COL1A2: variants seen among roughly 807,000 people sequenced by gnomAD.
COL1A2 encodes collagen type I alpha 2 chain.
Under a neutral mutation model 174.3 loss-of-function variants are expected in COL1A2, and 49 were observed. That is an observed-to-expected ratio of 0.28 (90% CI 0.22 to 0.36). COL1A2 has a LOEUF of 0.36. Among genes scored for constraint, COL1A2 ranks in the 10% least tolerant of loss-of-function variants. COL1A2 has a pLI of 1.00. For missense variants in COL1A2, 1,438 were observed against 1,822.7 expected (o/e 0.79, Z 3.84); for synonymous variants, 655 against 606.6 (o/e 1.08, Z -1.17).
rs964597288 is a variant in COL1A2, at chr7:94,405,183, A to T, written c.433-16A>T. 4.3e-6 allele frequency: 7 copies of T among 1,613,722 alleles called. No individual in the cohort carries two copies. Among genetic ancestry groups the T allele is most frequent in the Non-Finnish European group, 5.1e-6 (6 of 1,179,744 alleles). ...TTACCAAGAAGAAGTTGACTCTACA[A>T]TGTTTTCATGTTTAGGGTCACCCTG... is the stretch of plus-strand genomic sequence containing the variant. On this transcript the variant is annotated splice_polypyrimidine_tract_variant and intron_variant, in intron 9 of 51. Coordinates refer to ENST00000297268, the MANE Select transcript of COL1A2 (RefSeq NM_000089.4).
In COL1A2 at chr7:94,400,273, C is replaced by G. The variant is rs1791665131; in HGVS notation, c.210C>G (p.Pro70=). The change falls in exon 5 of 52, where the codon CCC becomes CCG. Residue 70 remains proline (P), a synonymous_variant. Transcript: ENST00000297268. ...GPPGPPGPPG[P]PGLGGNFAAQ... ...CTGGTCCACCTGGTCCTCCTGGCCC[C>G]CCTGGTCTCGGTGGGGTAAGGTGTC... 15 of 1,613,474 alleles carry G rather than the reference C, an allele frequency of 9.3e-6. No homozygotes were observed. The highest frequency in any genetic ancestry group is 1.2e-5 in the Non-Finnish European group (14 of 1,179,886).
Position 94,395,083 on chromosome 7 carries a change from T to G in COL1A2, c.52T>G (p.Cys18Gly), listed in dbSNP as rs200278401. Residue 18 changes from cysteine (C) to glycine (G), a missense_variant, in exon 1 of 52, where the codon TGC (cysteine) becomes GGC (glycine). This residue lies in a region of COL1A2 where 281 missense variants were observed against 310.9 expected (regional missense o/e 0.90). Transcript: ENST00000297268. ...RTLLLLAVTL[C>G]LATCQSLQEE... ...TTTGTTGCTGCTTGCAGTAACCTTA[T>G]GCCTAGCAACATGCCAATGTAAGTG... 1.2e-6 allele frequency: 2 copies of G among 1,614,080 alleles called. No homozygotes were observed. The highest frequency in any genetic ancestry group is 1.7e-6 in the Non-Finnish European group (2 of 1,179,978).
chr7:94,420,775 G>T, intron 37 of COL1A2, 127 bp downstream of exon 37: 1 of 992,796 alleles, frequency 1.0e-6, no homozygotes, highest in Non-Finnish European at 1.6e-6. Flanking sequence ...ATAACGGAAG[G>T]ATTAACATTT....
In COL1A2 at chr7:94,413,743, GGTGA is replaced by G. The variant is rs766886409; in HGVS notation, c.1611+3_1611+6del. On this transcript the variant is annotated splice_donor_variant and splice_donor_region_variant and intron_variant, in intron 27 of 51. Transcript: ENST00000297268. LOFTEE classifies it high-confidence loss of function. ...GTGCTCAGGGACCTCCTGGACCACA[GGTGA>G]GTATTTCTCCCACTCTTGTGCTCTT... 92 of 1,614,038 alleles carry G rather than the reference GGTGA, an allele frequency of 5.7e-5. 2 individuals carry two copies. In the South Asian group the frequency reaches 9.1e-4, roughly 16 times the overall value.
In COL1A2 at chr7:94,407,850, G is replaced by A; in HGVS notation, c.598G>A (p.Glu200Lys). Reference sequence around the variant, plus strand: ...AACTCAATCCTTCTCCATGTAGGGTGAACCTGGTGCCCCTGGTGAAAATGG... The same window carrying A: ...AACTCAATCCTTCTCCATGTAGGGTAAACCTGGTGCCCCTGGTGAAAATGG... ...GQPGAPGVKGEPGAPGENGTP... is the reference protein window; with the variant it reads ...GQPGAPGVKGKPGAPGENGTP... The change falls in exon 13 of 52, where the codon GAA (glutamate) becomes AAA (lysine). Residue 200 changes from glutamate (E) to lysine (K), a missense_variant. Glu to Lys is a moderately conservative substitution (Grantham distance 56). Coordinates refer to ENST00000297268, the MANE Select transcript of COL1A2 (RefSeq NM_000089.4). 6.2e-7 allele frequency: 1 copy of A among 1,613,910 alleles called. No homozygotes were observed. The highest frequency in any genetic ancestry group is 2.2e-5 in the East Asian group (1 of 44,854).
In COL1A2 at chr7:94,428,339, C is replaced by A. The variant is rs542099426; in HGVS notation, c.3573C>A (p.Ile1191=). The change falls in exon 50 of 52, where the codon ATC becomes ATA. Residue 1191 remains isoleucine (I), a synonymous_variant. Coordinates refer to ENST00000297268, the MANE Select transcript of COL1A2 (RefSeq NM_000089.4). ...ACCAAGGATGCACTATGGATGCTAT[C>A]AAAGTATACTGTGATTTCTCTACTG... The part of the protein sequence containing the change: ...DPNQGCTMDA[I]KVYCDFSTGE... 12 of 1,613,968 alleles carry A rather than the reference C, an allele frequency of 7.4e-6. No individual in the cohort carries two copies. In the South Asian group the frequency reaches 1.3e-4, roughly 18 times the overall value.
rs765868569 is a variant in COL1A2, at chr7:94,404,568, C to T, written c.292C>T (p.Pro98Ser). The T allele has an allele frequency of 5.6e-6, 9 of 1,613,344 alleles. No individual in the cohort carries two copies. The highest frequency in any genetic ancestry group is 3.6e-4 in the Middle Eastern group (2 of 5,554). The change falls in exon 7 of 52, where the codon CCT becomes TCT. Residue 98 changes from proline to serine, a missense_variant. Pro to Ser is a moderately conservative substitution (Grantham distance 74). This residue lies in a region of COL1A2 where 281 missense variants were observed against 310.9 expected (regional missense o/e 0.90). Transcript: ENST00000297268. Reference protein sequence around the residue: ...LGPGPMGLMGPRGPPGAAGAP... With the variant: ...LGPGPMGLMGSRGPPGAAGAP... ...GCTTTCTTTACAGGGCTTAATGGGA[C>T]CTAGAGGCCCACCTGGTGCAGCTGG...
intron 6 of COL1A2, 75 bp from the exon 7 acceptor site, chr7:94,404,479 GTT>G (rs1791752750): frequency 1.4e-6 from 2 of 1,459,816 alleles, no homozygotes; most frequent in Non-Finnish European, 1.9e-6. Flanking sequence ...GCACTGCTAA[GTT>G]GGTCATATCT....
intron 6 of COL1A2, among the ~76,000 whole-genome samples, chr7:94,403,330 A>G (rs960313420): frequency 2.6e-5 from 4 of 152,218 alleles, no homozygotes; most frequent in African/African-American, 9.6e-5. Flanking sequence ...AATAGGGAAG[A>G]TAGGCAGCAA....
At chr7:94,426,115 T>G (rs952940288) in intron 45 of COL1A2, 64 bp downstream of exon 45, 1 of 1,442,838 alleles carries the variant, frequency 6.9e-7, no homozygotes, top group African/African-American at 1.4e-5. Flanking sequence ...CCAAAACATC[T>G]GTTAAGAAAA....
chr7:94,426,723 A>C, intron 46 of COL1A2, 193 bp downstream of exon 46: 1 of 653,432 alleles, frequency 1.5e-6, no homozygotes, highest in Non-Finnish European at 2.7e-6. Flanking sequence ...ATTAAGGGAG[A>C]TAGAAATAGA....
At position 94,412,126 on chromosome 7, in the gene COL1A2, G is replaced by A; in HGVS notation, c.1404+5G>A. 1 of 1,611,364 alleles carries A rather than the reference G, an allele frequency of 6.2e-7. No individual in the cohort carries two copies. Among genetic ancestry groups the A allele is most frequent in the Non-Finnish European group, 8.5e-7 (1 of 1,178,168 alleles). ...GCTGGAAAAGAAGGTCCTGTCGTAA[G>A]TATTGCTCATTTTCCATTATATTTT... On this transcript the variant is annotated splice_donor_5th_base_variant and intron_variant, in intron 24 of 51. Transcript: ENST00000297268.
intron 30 of COL1A2, 120 bp downstream of exon 30, chr7:94,415,390 A>G (rs1015383038): frequency 2.3e-6 from 2 of 874,950 alleles, no homozygotes; most frequent in African/African-American, 3.3e-5. Flanking sequence ...TCTATAGTCA[A>G]ATGTAATCTG....
At chr7:94,408,902 A>T in intron 16 of COL1A2, 79 bp downstream of exon 16, 2 of 1,326,954 alleles carry the variant, frequency 1.5e-6, no homozygotes, top group Non-Finnish European at 2.2e-6. Context: ...GTGTTTGCAG[A>T]TAAAGAGATA....
intron 44 of COL1A2, 21 bp downstream of exon 44, chr7:94,425,878 C>A (rs200123817): frequency 6.2e-7 from 1 of 1,606,218 alleles, no homozygotes; most frequent in East Asian, 2.2e-5. Context: ...GAATACCAGT[C>A]CCTCAGTGCA....
chr7:94,410,477 C>G lies in COL1A2; in HGVS notation c.1147C>G (p.Pro383Ala). ...GPSGEEGKRG[P>A]NGEAGSAGPP... ...CAGTGGTGAAGAAGGAAAGAGAGGC[C>G]CTAATGGGGAAGCTGGATCTGCCGG... Residue 383 changes from proline (P) to alanine (A), a missense_variant, in exon 21 of 52, where the codon CCT becomes GCT. Pro to Ala is a conservative substitution (Grantham distance 27). Coordinates refer to ENST00000297268, the MANE Select transcript of COL1A2 (RefSeq NM_000089.4). The G allele has an allele frequency of 6.4e-7, 1 of 1,550,432 alleles. No homozygotes were observed. The highest frequency in any genetic ancestry group is 1.2e-5 in the South Asian group (1 of 83,994).
In COL1A2 at chr7:94,412,547, T is replaced by C. The variant is rs950483763; in HGVS notation, c.1405-37T>C. The stretch of plus-strand genomic sequence containing the variant: ...ATAAGCTTGAGGTTGTGAGAATATG[T>C]TGACACTGAGTAAACTTGAAATAAC... On this transcript the variant is annotated intron_variant, in intron 24 of 51. Coordinates refer to ENST00000297268, the MANE Select transcript of COL1A2 (RefSeq NM_000089.4). 13 of 1,535,422 alleles carry C rather than the reference T, an allele frequency of 8.5e-6. No homozygotes were observed. In the Admixed American group the frequency reaches 1.5e-4, roughly 18 times the overall value.
At chr7:94,396,343 T>C (rs1791584330) in intron 1 of COL1A2, among the ~76,000 whole-genome samples, 1 of 130,896 alleles carries the variant, frequency 7.6e-6, no homozygotes, top group Non-Finnish European at 1.6e-5. Context: ...TGTGTGTGTG[T>C]CTGTGTGTCT....
At chr7:94,419,461 G>T (rs765848190) in intron 33 of COL1A2, 37 bp from the exon 34 acceptor site, 1 of 1,606,222 alleles carries the variant, frequency 6.2e-7, no homozygotes, top group Middle Eastern at 1.7e-4. Context: ...ATGATACGGG[G>T]TGTTATTAAT....
Sources: gnomAD v4.1 joint callset for allele counts (sites outside exome capture counted in the v4.1 genomes callset) on GRCh38, gnomAD v4.1.1 for gene constraint, gnomAD v4.1.1 regional missense constraint, MANE v1.5 for transcripts, NCBI Gene and HGNC (gene_info 2026-07-23, HGNC 2026-07-21) for gene names.